The following EVI5 variants were observed in gnomAD, a reference collection of about 807,000 sequenced individuals.
EVI5 encodes the protein ecotropic viral integration site 5 protein homolog.
In EVI5, 73 loss-of-function variants were observed where a neutral mutation model predicts 112.0. The ratio of observed to expected loss-of-function variants is 0.65; its 90% CI spans 0.54 to 0.79. The LOEUF is 0.79. EVI5 is among the 30% of genes least tolerant of loss of function. The pLI, the probability that EVI5 is intolerant of heterozygous loss-of-function variation, is 0.00. For missense variants in EVI5, 900 were observed against 968.8 expected (o/e 0.93, Z 0.94); for synonymous variants, 305 against 319.9 (o/e 0.95, Z 0.50).
chr1:92,776,021 T>C (rs925491075), intron 1 of EVI5, among the ~76,000 whole-genome samples: 3 of 148,036 alleles, frequency 2.0e-5, no homozygotes, highest in Non-Finnish European at 4.4e-5. Context: ...GGCAGGAGAA[T>C]GGCGTGAACC....
intron 19 of EVI5, among the ~76,000 whole-genome samples, chr1:92,519,752 T>C: frequency 6.6e-6 from 1 of 151,718 alleles, no homozygotes; most frequent in East Asian, 1.9e-4. Context: ...AAAAATTAGT[T>C]GGGTGTGGTG....
chr1:92,736,839 G>A (rs190405165), intron 1 of EVI5, among the ~76,000 whole-genome samples: 152 of 152,224 alleles, frequency 1.0e-3, no homozygotes, highest in Non-Finnish European at 1.5e-3. Flanking sequence ...TCAGAACAGT[G>A]TTCCAAACTG....
At chr1:92,786,431 T>C (rs1685646515), upstream of EVI5, among the ~76,000 whole-genome samples, 8 of 152,142 alleles carry the variant, frequency 5.3e-5, no homozygotes, top group South Asian at 1.4e-3. Context: ...TGCAACTCAA[T>C]CCTTGTATAA....
chr1:92,533,700 T>TA (rs1254327030), intron 19 of EVI5, among the ~76,000 whole-genome samples: 1 of 152,216 alleles, frequency 6.6e-6, no homozygotes, highest in African/African-American at 2.4e-5. Context: ...TCTCAATAGA[T>TA]GCAGAAAAGG....
chr1:92,675,247 G>C (rs1469203580), intron 10 of EVI5, among the ~76,000 whole-genome samples: 1 of 152,182 alleles, frequency 6.6e-6, no homozygotes, highest in African/African-American at 2.4e-5. Context: ...AGGAGGCTGA[G>C]GTGAGAGGAT....
chr1:92,757,827 G>A (rs892108748), intron 1 of EVI5, among the ~76,000 whole-genome samples: 6 of 148,344 alleles, frequency 4.0e-5, no homozygotes, highest in Admixed American at 6.9e-5. Flanking sequence ...ACTTGAACCC[G>A]GGAGGCAGAG....
chr1:92,541,840 A>G (rs1307915409), intron 19 of EVI5, among the ~76,000 whole-genome samples: 2 of 152,356 alleles, frequency 1.3e-5, no homozygotes, highest in East Asian at 3.9e-4. Flanking sequence ...GTGCAACAGT[A>G]TATGTTTAAA....
At chr1:92,663,869 T>C (rs1013848894) in intron 11 of EVI5, among the ~76,000 whole-genome samples, 5 of 152,192 alleles carry the variant, frequency 3.3e-5, no homozygotes, top group Non-Finnish European at 4.4e-5. Flanking sequence ...TGCTTCAGCC[T>C]CCTGAGCAGC....
intron 1 of EVI5, among the ~76,000 whole-genome samples, chr1:92,762,115 A>G (rs1428132835): frequency 6.6e-6 from 1 of 152,242 alleles, no homozygotes; most frequent in Non-Finnish European, 1.5e-5. Context: ...AGTAGGAATT[A>G]CAGAAAAAGG....
intron 1 of EVI5, among the ~76,000 whole-genome samples, chr1:92,775,484 T>A (rs1296321101): frequency 6.6e-6 from 1 of 151,922 alleles, no homozygotes; most frequent in Non-Finnish European, 1.5e-5. Context: ...TTTTGGTGTA[T>A]CTTTGCTGTT....
intron 17 of EVI5, among the ~76,000 whole-genome samples, chr1:92,606,581 A>C (rs1028203389): frequency 6.6e-6 from 1 of 152,188 alleles, no homozygotes; most frequent in Non-Finnish European, 1.5e-5. Flanking sequence ...GTCAGTATAC[A>C]TTGTAACAGC....
At chr1:92,659,604 A>T (rs186109988) in intron 13 of EVI5, among the ~76,000 whole-genome samples, 3 of 152,244 alleles carry the variant, frequency 2.0e-5, no homozygotes, top group Non-Finnish European at 4.4e-5. Context: ...ATTGGTGAGG[A>T]TGTGGAAAAA....
intron 1 of EVI5, among the ~76,000 whole-genome samples, chr1:92,759,030 A>G (rs985160530): frequency 3.9e-5 from 6 of 152,150 alleles, no homozygotes; most frequent in African/African-American, 1.4e-4. Flanking sequence ...TTGAGCTCAG[A>G]CCAGCCTGGG....
rs145258077 is a variant in EVI5, at chr1:92,689,816, T to C, written c.1097+3986A>G. 1.4e-4 allele frequency among the ~76,000 whole-genome samples: 22 copies of C among 152,356 alleles called. 1 individual carries two copies. The highest frequency in any genetic ancestry group is 2.8e-4 in the Non-Finnish European group (19 of 68,028). On this transcript the variant is annotated intron_variant, in intron 9 of 19. Transcript: ENST00000684568. Reference sequence around the variant, plus strand: ...GTTAATAATGCCACCTGCAAAAGAATAGACTAATTTAAAAGAACACCATTC... The same window carrying C: ...GTTAATAATGCCACCTGCAAAAGAACAGACTAATTTAAAAGAACACCATTC...
At chr1:92,636,151 T>C (rs745655999) in intron 14 of EVI5, 51 bp downstream of exon 14, 12 of 1,488,596 alleles carry the variant, frequency 8.1e-6, no homozygotes, top group Admixed American at 1.9e-5. Context: ...TTAATAAATA[T>C]CACATATCCC....
chr1:92,780,852 ATTT>A (rs869256592), intron 1 of EVI5, among the ~76,000 whole-genome samples: 3 of 139,708 alleles, frequency 2.1e-5, no homozygotes, highest in Non-Finnish European at 3.1e-5. Context: ...AAAAAAGTAA[ATTT>A]TTTTTTTTTT....
At chr1:92,772,017 G>C (rs1175991327) in intron 1 of EVI5, among the ~76,000 whole-genome samples, 1 of 151,770 alleles carries the variant, frequency 6.6e-6, no homozygotes, top group East Asian at 2.0e-4. Flanking sequence ...ACCACGCCCA[G>C]CTAATTTTTT....
At chr1:92,726,921 C>T (rs1028449848) in intron 2 of EVI5, among the ~76,000 whole-genome samples, 26 of 151,868 alleles carry the variant, frequency 1.7e-4, no homozygotes, top group African/African-American at 6.0e-4. Flanking sequence ...ACAGTTATAG[C>T]TTATAAATCA....
intron 11 of EVI5, among the ~76,000 whole-genome samples, chr1:92,664,318 T>C (rs562629450): frequency 1.3e-5 from 2 of 152,322 alleles, no homozygotes; most frequent in African/African-American, 4.8e-5. Context: ...TATAGAATTC[T>C]AAGTGCTAAG....
Sources: gnomAD v4.1 joint callset for allele counts (sites outside exome capture counted in the v4.1 genomes callset) on GRCh38, gnomAD v4.1.1 for gene constraint, MANE v1.5 for transcripts, NCBI Gene and HGNC (gene_info 2026-07-23, HGNC 2026-07-21) for gene names.